Variants in CR2 observed in about 807,000 individuals in gnomAD.
CR2 encodes the protein complement receptor type 2.
Under a neutral mutation model 123.0 loss-of-function variants are expected in CR2, and 96 were observed. The ratio of observed to expected loss-of-function variants is 0.78; its 90% CI spans 0.66 to 0.93. The LOEUF is 0.93. Among genes scored for constraint, CR2 ranks in the 40% least tolerant of loss-of-function variants. CR2 has a pLI of 0.00. For missense variants in CR2, 1,258 were observed against 1,361.0 expected (o/e 0.92, Z 1.19); for synonymous variants, 484 against 469.5 (o/e 1.03, Z -0.40).
At chr1:207,471,317 C>T in intron 8 of CR2, 106 bp from the exon 9 acceptor site, 1 of 977,848 alleles carries the variant, frequency 1.0e-6, no homozygotes, top group Non-Finnish European at 1.7e-6. Flanking sequence ...ATTTTTGTTG[C>T]TATTGCTTCT....
intron 19 of CR2, among the ~76,000 whole-genome samples, chr1:207,488,707 G>A (rs927063024): frequency 6.6e-6 from 1 of 152,114 alleles, no homozygotes; most frequent in African/African-American, 2.4e-5. Context: ...AAATATCATA[G>A]GTAATAATAC....
At position 207,465,168 on chromosome 1, in the gene CR2, G is replaced by A. The variant is rs370709357; in HGVS notation, c.59-1358G>A. 3.6e-3 allele frequency among the ~76,000 whole-genome samples: 547 copies of A among 152,214 alleles called. 3 individuals are homozygous for A. The highest frequency in any genetic ancestry group is 0.013 in the African/African-American group (523 of 41,522). On this transcript the variant is annotated intron_variant, in intron 1 of 19. Transcript: ENST00000367057. ...TGGTCTTGAACTCCTGACCTCAGGT[G>A]ATCCACCTGCCTCAGCCTCCCAAAG... is the stretch of plus-strand genomic sequence containing the variant.
At chr1:207,488,529 C>T (rs1434502587) in intron 19 of CR2, among the ~76,000 whole-genome samples, 1 of 152,142 alleles carries the variant, frequency 6.6e-6, no homozygotes, top group Non-Finnish European at 1.5e-5. Context: ...GAGGCTGAGG[C>T]AGGAGAATTG....
At chr1:207,470,173 CT>C (rs1658228391) in intron 6 of CR2, 71 bp downstream of exon 6, 1 of 1,573,856 alleles carries the variant, frequency 6.4e-7, no homozygotes, top group Non-Finnish European at 8.7e-7. Flanking sequence ...GGGTTGTGGG[CT>C]TTAGGTAGGG....
At chr1:207,463,643 T>A (rs1658018334) in intron 1 of CR2, among the ~76,000 whole-genome samples, 2 of 152,142 alleles carry the variant, frequency 1.3e-5, no homozygotes, top group African/African-American at 4.8e-5. Flanking sequence ...ACTCTTTATT[T>A]TTATTTTTAT....
intron 14 of CR2, among the ~76,000 whole-genome samples, chr1:207,475,814 G>A (rs1658420565): frequency 6.6e-6 from 1 of 152,174 alleles, no homozygotes; most frequent in Non-Finnish European, 1.5e-5. Context: ...TCCCAGCAAG[G>A]CACCAGTAAC....
intron 1 of CR2, among the ~76,000 whole-genome samples, chr1:207,457,197 A>G (rs1020193910): frequency 2.0e-5 from 3 of 152,184 alleles, no homozygotes; most frequent in Non-Finnish European, 4.4e-5. Flanking sequence ...TTGAGTTCCT[A>G]TCAATAGCCT....
At chr1:207,471,751 T>C (rs1156663557) in intron 9 of CR2, 1 of 421,578 alleles carries the variant, frequency 2.4e-6, no homozygotes, top group East Asian at 5.3e-5. Flanking sequence ...CAGCGGTGAG[T>C]ATATGAGCCA....
intron 15 of CR2, among the ~76,000 whole-genome samples, chr1:207,477,357 C>G (rs968810796): frequency 6.6e-6 from 1 of 152,128 alleles, no homozygotes; most frequent in African/African-American, 2.4e-5. Flanking sequence ...AACCCCACCC[C>G]CATGATCCAA....
At chr1:207,488,703 C>A (rs557709792) in intron 19 of CR2, among the ~76,000 whole-genome samples, 1 of 152,264 alleles carries the variant, frequency 6.6e-6, no homozygotes, top group South Asian at 2.1e-4. Flanking sequence ...CCATAAATAT[C>A]ATAGGTAATA....
In CR2 at chr1:207,469,718, C is replaced by G; in HGVS notation, c.841C>G (p.Pro281Ala). ...AGAAATTTTTTGCCCATCACCTCCC[C>G]CTATTCTCAATGGAAGACATATAGG... ...CEEIFCPSPP[P>A]ILNGRHIGNS... The change falls in exon 6 of 20, where the codon CCT becomes GCT. Residue 281 changes from proline to alanine, a missense_variant. Transcript: ENST00000367057. The G allele has an allele frequency of 6.2e-7, 1 of 1,613,886 alleles. No individual in the cohort carries two copies. Among genetic ancestry groups the G allele is most frequent in the Non-Finnish European group, 8.5e-7 (1 of 1,179,868 alleles).
Position 207,476,349 on chromosome 1 carries a change from G to T in CR2, c.2832G>T (p.Leu944=), listed in dbSNP as rs773523429. The T allele has an allele frequency of 1.9e-6, 3 of 1,613,998 alleles. No homozygotes were observed. The highest frequency in any genetic ancestry group is 1.7e-5 in the Admixed American group (1 of 60,002). Residue 944 remains leucine, a synonymous_variant, in exon 15 of 20, where the codon CTG becomes CTT. Coordinates refer to ENST00000367057, the MANE Select transcript of CR2 (RefSeq NM_001006658.3). ...TGTACAGCTGTGACCAAGGCTACCT[G>T]CTGGTGGGAGAGGCACTCCTTCTTT... ...SILYSCDQGY[L]LVGEALLLCT... is the part of the protein sequence containing the mutation.
intron 18 of CR2, among the ~76,000 whole-genome samples, chr1:207,480,676 C>T (rs937115528): frequency 6.6e-6 from 1 of 152,050 alleles, no homozygotes; most frequent in Non-Finnish European, 1.5e-5. Context: ...TAACTATTGT[C>T]AGATGACTTG....
At chr1:207,463,093 C>A (rs1658005964) in intron 1 of CR2, among the ~76,000 whole-genome samples, 1 of 152,152 alleles carries the variant, frequency 6.6e-6, no homozygotes, top group South Asian at 2.1e-4. Context: ...TCCTGAATCC[C>A]AGCCTCAAAT....
intron 15 of CR2, 27 bp from the exon 16 acceptor site, chr1:207,477,858 G>A (rs1378284632): frequency 1.2e-6 from 2 of 1,609,796 alleles, no homozygotes; most frequent in Non-Finnish European, 1.7e-6. Flanking sequence ...ATATGACTGT[G>A]CTTGAATTAG....
At chr1:207,455,524 A>G (rs556335685) in intron 1 of CR2, among the ~76,000 whole-genome samples, 29 of 152,298 alleles carry the variant, frequency 1.9e-4, no homozygotes, top group South Asian at 1.2e-3. Context: ...TGGGTGTCCA[A>G]TTGTTTCTAT....
chr1:207,465,155 C>T (rs1473600119), intron 1 of CR2, among the ~76,000 whole-genome samples: 1 of 152,106 alleles, frequency 6.6e-6, no homozygotes, highest in Non-Finnish European at 1.5e-5. Context: ...GTCTTGAACT[C>T]CTGACCTCAG....
At chr1:207,455,386 A>G (rs1657808347) in intron 1 of CR2, among the ~76,000 whole-genome samples, 1 of 152,170 alleles carries the variant, frequency 6.6e-6, no homozygotes, top group African/African-American at 2.4e-5. Flanking sequence ...CTTCCACCTC[A>G]CTGAGCTGCC....
intron 19 of CR2, among the ~76,000 whole-genome samples, chr1:207,488,926 A>G (rs554997276): frequency 3.0e-4 from 45 of 152,320 alleles, no homozygotes; most frequent in Non-Finnish European, 1.2e-4. Context: ...AGTTTAATTC[A>G]TGTTTATATG....
Sources: allele counts gnomAD v4.1 joint callset (sites outside exome capture counted in the v4.1 genomes callset), GRCh38; gene constraint gnomAD v4.1.1; transcripts MANE v1.5; gene names NCBI Gene and HGNC (gene_info 2026-07-23, HGNC 2026-07-21).